SMPD4: variants seen among roughly 807,000 people sequenced by gnomAD.
SMPD4 encodes neutral sphingomyelinase 3.
In SMPD4, 58 loss-of-function variants were observed where a neutral mutation model predicts 97.8. The observed-to-expected ratio is 0.59, with a 90% CI of 0.48 to 0.74. The LOEUF is 0.74. Ranked by LOEUF, SMPD4 falls within the 30% of genes least tolerant of loss-of-function variation. The pLI, the probability that SMPD4 is intolerant of heterozygous loss-of-function variation, is 0.00. For synonymous variants in SMPD4, 388 were observed against 450.0 expected (o/e 0.86, Z 1.74); for missense variants, 853 against 1,080.5 (o/e 0.79, Z 2.95).
intron 19 of SMPD4, 73 bp from the exon 20 acceptor site, chr2:130,152,957 T>G (rs978772382): frequency 6.4e-7 from 1 of 1,556,036 alleles, no homozygotes; most frequent in South Asian, 1.2e-5. Context: ...TACCCCACCC[T>G]CACAGGCCAC....
chr2:130,155,570 G>A (rs1368339239), intron 14 of SMPD4, among the ~76,000 whole-genome samples: 2 of 152,158 alleles, frequency 1.3e-5, no homozygotes, highest in African/African-American at 4.8e-5. Context: ...GGATCCCCCA[G>A]AGGGTCCAAA....
chr2:130,170,781 G>A (rs926301208), intron 8 of SMPD4, among the ~76,000 whole-genome samples: 5 of 151,448 alleles, frequency 3.3e-5, no homozygotes, highest in Non-Finnish European at 7.4e-5. Context: ...AAAAAATGCT[G>A]GGTGCAGTAG....
intron 15 of SMPD4, chr2:130,154,880 C>T: frequency 3.0e-6 from 2 of 674,538 alleles, no homozygotes. Flanking sequence ...CACCTGCGAT[C>T]CCCCACCCAG....
chr2:130,181,658 T>C (rs1689656966), upstream of SMPD4: 1 of 1,551,170 alleles, frequency 6.4e-7, no homozygotes, highest in Non-Finnish European at 8.7e-7. Context: ...TTCCACCTCT[T>C]TGGGCCGTTA....
chr2:130,171,927 G>C (rs1688509047), intron 8 of SMPD4, among the ~76,000 whole-genome samples: 1 of 152,178 alleles, frequency 6.6e-6, no homozygotes, highest in Non-Finnish European at 1.5e-5. Flanking sequence ...GGCTCAGCCT[G>C]TTTGGACTGA....
chr2:130,175,506 C>T (rs1467832107), intron 2 of SMPD4, among the ~76,000 whole-genome samples: 5 of 152,160 alleles, frequency 3.3e-5, no homozygotes, highest in South Asian at 4.2e-4. Context: ...GTCCTTTATT[C>T]GGTAGACACT....
intron 9 of SMPD4, among the ~76,000 whole-genome samples, chr2:130,166,214 C>G (rs570446310): frequency 7.1e-6 from 1 of 141,692 alleles, no homozygotes; most frequent in African/African-American, 2.6e-5. Context: ...GGGGCTGAGG[C>G]GGGAGAATCA....
In SMPD4 at chr2:130,156,058, C is replaced by A. The variant is rs779181716; in HGVS notation, c.1266G>T (p.Gln422His). ...PDKQAPGSDS[Q>H]PRCVSEKWAP... The stretch of plus-strand genomic sequence containing the variant: ...ACCATTTCTCCGACACACACCGGGG[C>A]TGGGAGTCGCTGCCCGGAGCCTGCT... Residue 422 changes from glutamine (Q) to histidine (H), a missense_variant, in exon 14 of 20, where the codon CAG (glutamine) becomes CAT (histidine). Physicochemically the swap from Gln to His is conservative, Grantham distance 24. Around this residue, in one of 3 missense-constraint regions of SMPD4, gnomAD observed 511 missense variants for 608.1 expected, o/e 0.84. Coordinates refer to ENST00000680298, the MANE Select transcript of SMPD4 (RefSeq NM_017951.5). 2 of 1,611,512 alleles carry A rather than the reference C, an allele frequency of 1.2e-6. No individual in the cohort carries two copies.
chr2:130,163,526 A>T (rs1687626817), intron 10 of SMPD4, among the ~76,000 whole-genome samples: 1 of 152,208 alleles, frequency 6.6e-6, no homozygotes, highest in Non-Finnish European at 1.5e-5. Context: ...CACATTCTGG[A>T]GGAAGCCCTC....
intron 10 of SMPD4, among the ~76,000 whole-genome samples, chr2:130,163,803 C>T (rs114128804): frequency 5.3e-5 from 8 of 152,214 alleles, no homozygotes; most frequent in Non-Finnish European, 1.2e-4. Flanking sequence ...CTGAAAGCAG[C>T]GTGCTGCCCA....
intron 10 of SMPD4, among the ~76,000 whole-genome samples, chr2:130,162,421 G>A (rs895934298): frequency 2.0e-5 from 3 of 152,246 alleles, no homozygotes; most frequent in African/African-American, 4.8e-5. Flanking sequence ...CGCAGAGCAG[G>A]GAGTGAAGGA....
chr2:130,155,683 C>T (rs1338591279), intron 14 of SMPD4, among the ~76,000 whole-genome samples: 3 of 152,020 alleles, frequency 2.0e-5, no homozygotes, highest in Non-Finnish European at 4.4e-5. Flanking sequence ...GAGGGGAAGA[C>T]AGCCTCCCTC....
chr2:130,181,099 A>T (rs1031634248), intron 1 of SMPD4, among the ~76,000 whole-genome samples: 2 of 151,526 alleles, frequency 1.3e-5, no homozygotes, highest in African/African-American at 4.9e-5. Flanking sequence ...CTTGTTCCCA[A>T]CTCTCCTGCC....
At position 130,179,389 on chromosome 2, in the gene SMPD4, G is replaced by A. The variant is rs149478977; in HGVS notation, c.-46+2141C>T. On this transcript the variant is annotated intron_variant, in intron 1 of 19. Coordinates refer to ENST00000680298, the MANE Select transcript of SMPD4 (RefSeq NM_017951.5). ...GCCTGCCTCGGCCTCCCAAAGTGAT[G>A]GGCTTACAGGCATGACCCACCGCGC... 5.1e-3 allele frequency among the ~76,000 whole-genome samples: 779 copies of A among 152,070 alleles called. 5 individuals carry two copies. The highest frequency in any genetic ancestry group is 7.6e-3 in the Non-Finnish European group (517 of 67,966).
chr2:130,159,946 C>T (rs1046046397), intron 11 of SMPD4, among the ~76,000 whole-genome samples: 1 of 152,192 alleles, frequency 6.6e-6, no homozygotes, highest in African/African-American at 2.4e-5. Flanking sequence ...CCCCTGCCGC[C>T]GGCAGTCACA....
Position 130,156,021 on chromosome 2 carries a change from G to GT in SMPD4, c.1289+13_1289+14insA. On this transcript the variant is annotated intron_variant, in intron 14 of 19. Coordinates refer to ENST00000680298, the MANE Select transcript of SMPD4 (RefSeq NM_017951.5). ...GGAGCCAGTGGCATGTCTGTGAGAG[G>GT]AGCTGAGGCTCACCATTTCTCCGAC... is the stretch of plus-strand genomic sequence containing the variant. 1 of 1,609,580 alleles carries GT rather than the reference G, an allele frequency of 6.2e-7. No individual in the cohort carries two copies. The highest frequency in any genetic ancestry group is 8.5e-7 in the Non-Finnish European group (1 of 1,178,598).
At chr2:130,158,066 G>A (rs753204188) in intron 11 of SMPD4, 27 of 575,188 alleles carry the variant, frequency 4.7e-5, no homozygotes, top group Non-Finnish European at 6.7e-5. Flanking sequence ...CTTCAGCCCA[G>A]GAGTTTGAGG....
intron 8 of SMPD4, among the ~76,000 whole-genome samples, chr2:130,170,454 C>A: frequency 2.0e-5 from 1 of 49,192 alleles, no homozygotes; most frequent in Non-Finnish European, 3.7e-5. Context: ...GAGTAAGACC[C>A]TGTCAAAAAA....
At chr2:130,178,651 TG>T (rs1477283117) in intron 1 of SMPD4, among the ~76,000 whole-genome samples, 1 of 151,810 alleles carries the variant, frequency 6.6e-6, no homozygotes, top group Non-Finnish European at 1.5e-5. Context: ...AAAAATTAGC[TG>T]GGTGTGGTGG....
Sources: gnomAD v4.1 joint callset for allele counts (sites outside exome capture counted in the v4.1 genomes callset) on GRCh38, gnomAD v4.1.1 for gene constraint, gnomAD v4.1.1 regional missense constraint, MANE v1.5 for transcripts, NCBI Gene and HGNC (gene_info 2026-07-23, HGNC 2026-07-21) for gene names.